Variants in ULK4 observed in about 807,000 individuals in gnomAD.
ULK4 encodes unc-51 like kinase 4.
In ULK4, 133 loss-of-function variants were observed where a neutral mutation model predicts 160.6. That is an observed-to-expected ratio of 0.83 (90% CI 0.72 to 0.96). ULK4 has a LOEUF of 0.96. ULK4 is among the 40% of genes least tolerant of loss of function. ULK4 has a pLI of 0.00. For synonymous variants in ULK4, 534 were observed against 539.8 expected (o/e 0.99, Z 0.15); for missense variants, 1,580 against 1,499.5 (o/e 1.05, Z -0.89).
At chr3:41,587,019 T>A (rs1422836637) in intron 31 of ULK4, among the ~76,000 whole-genome samples, 1 of 152,084 alleles carries the variant, frequency 6.6e-6, no homozygotes, top group African/African-American at 2.4e-5. Flanking sequence ...CTACGTAGGG[T>A]CTCACAATAC....
chr3:41,936,037 G>T, intron 3 of ULK4, 97 bp from the exon 4 acceptor site: 1 of 1,486,190 alleles, frequency 6.7e-7, no homozygotes, highest in Non-Finnish European at 9.1e-7. Context: ...ATTAAAAAAT[G>T]ATCAAGACAG....
At chr3:41,830,162 G>A (rs1295493575) in intron 18 of ULK4, among the ~76,000 whole-genome samples, 1 of 152,114 alleles carries the variant, frequency 6.6e-6, no homozygotes, top group African/African-American at 2.4e-5. Context: ...AGGGGGAGTG[G>A]GGAGGGATAG....
At chr3:41,914,015 C>T (rs1358821735) in intron 8 of ULK4, among the ~76,000 whole-genome samples, 1 of 152,160 alleles carries the variant, frequency 6.6e-6, no homozygotes, top group Non-Finnish European at 1.5e-5. Flanking sequence ...TAACCATATA[C>T]ATTCACACCT....
chr3:41,692,308 T>C (rs1016393389), intron 27 of ULK4, among the ~76,000 whole-genome samples: 15 of 152,202 alleles, frequency 9.9e-5, no homozygotes, highest in African/African-American at 3.4e-4. Flanking sequence ...TGACACAGTA[T>C]ATGACAGCAA....
intron 32 of ULK4, among the ~76,000 whole-genome samples, chr3:41,560,681 T>C (rs1413266931): frequency 1.6e-4 from 24 of 152,336 alleles, no homozygotes; most frequent in East Asian, 1.5e-3. Flanking sequence ...TATTGGTGTA[T>C]AGGAATGCTT....
intron 22 of ULK4, among the ~76,000 whole-genome samples, chr3:41,751,658 T>C (rs1421806303): frequency 6.6e-6 from 1 of 152,202 alleles, no homozygotes; most frequent in East Asian, 1.9e-4. Flanking sequence ...ACATGTGTCA[T>C]ACCCAATCTC....
chr3:41,375,795 T>C (rs2081476465), intron 35 of ULK4, among the ~76,000 whole-genome samples: 1 of 150,180 alleles, frequency 6.7e-6, no homozygotes, highest in Admixed American at 6.6e-5. Flanking sequence ...CTAATTAAAC[T>C]AAAGAGCTTC....
At chr3:41,951,054 G>A (rs1296761936) in intron 2 of ULK4, among the ~76,000 whole-genome samples, 1 of 141,530 alleles carries the variant, frequency 7.1e-6, no homozygotes, top group Non-Finnish European at 1.5e-5. Flanking sequence ...TGAGGCAGGA[G>A]AATGGCGTGA....
intron 35 of ULK4, among the ~76,000 whole-genome samples, chr3:41,310,357 A>T (rs1167374689): frequency 6.6e-6 from 1 of 152,230 alleles, no homozygotes; most frequent in East Asian, 1.9e-4. Context: ...GATAATTACC[A>T]AATAAAAGAA....
intron 30 of ULK4, among the ~76,000 whole-genome samples, chr3:41,624,536 A>C: frequency 6.6e-6 from 1 of 152,162 alleles, no homozygotes; most frequent in East Asian, 1.9e-4. Flanking sequence ...ATTACCTCTT[A>C]AGTCTCTTTG....
chr3:41,561,796 C>T (rs916110346), intron 32 of ULK4, among the ~76,000 whole-genome samples: 4 of 152,002 alleles, frequency 2.6e-5, no homozygotes, highest in Admixed American at 6.6e-5. Context: ...AGTCGTTGAT[C>T]TTTTGAAAAA....
chr3:41,313,935 T>A (rs2080100000), intron 35 of ULK4, among the ~76,000 whole-genome samples: 1 of 152,182 alleles, frequency 6.6e-6, no homozygotes, highest in South Asian at 2.1e-4. Context: ...TGAGATGGCC[T>A]TCCTTACAAC....
intron 27 of ULK4, among the ~76,000 whole-genome samples, chr3:41,688,734 T>A (rs752244552): frequency 6.6e-5 from 10 of 152,216 alleles, no homozygotes; most frequent in Admixed American, 1.3e-4. Context: ...CCAAGATTTC[T>A]GGGAATTTGC....
intron 30 of ULK4, 111 bp from the exon 31 acceptor site, chr3:41,615,828 T>C: frequency 1.1e-6 from 1 of 908,222 alleles, no homozygotes; most frequent in Non-Finnish European, 1.7e-6. Context: ...AATTCCATGA[T>C]AAGAAATAGT....
chr3:41,541,021 C>T (rs2371582), intron 32 of ULK4, among the ~76,000 whole-genome samples: 68,347 of 151,924 alleles, frequency 0.45, 16,061 homozygotes, highest in Middle Eastern at 0.54. Flanking sequence ...TGTGCAGAAG[C>T]TCTTTAGTTT....
intron 32 of ULK4, among the ~76,000 whole-genome samples, chr3:41,561,918 G>C (rs1424168325): frequency 6.6e-6 from 1 of 152,090 alleles, no homozygotes; most frequent in East Asian, 1.9e-4. Flanking sequence ...GAAGGTGTTT[G>C]CTCTTGCTTC....
Position 41,941,730 on chromosome 3 carries a change from T to C in ULK4, c.139-3533A>G, listed in dbSNP as rs546591761. On this transcript the variant is annotated intron_variant, in intron 2 of 36. Coordinates refer to ENST00000301831, the MANE Select transcript of ULK4 (RefSeq NM_017886.4). The stretch of plus-strand genomic sequence containing the variant: ...GTGATCACATCACTGCACTCCAGCC[T>C]GAGTGACAGAGTGAGACTCTGTCTC... Among the ~76,000 whole-genome samples, 3 of 110,838 alleles carry C rather than the reference T, an allele frequency of 2.7e-5. No homozygotes were observed. In the South Asian group the frequency reaches 9.7e-4, roughly 36 times the overall value. The allele number at this position is 110,838 out of a possible 152,430, so 72.7% of individuals were successfully genotyped here. A position where few individuals can be genotyped will look rare whatever the true frequency, so the allele number is the denominator to read the frequency against.
intron 16 of ULK4, among the ~76,000 whole-genome samples, chr3:41,893,325 A>T (rs1313725325): frequency 6.6e-6 from 1 of 152,234 alleles, no homozygotes; most frequent in Non-Finnish European, 1.5e-5. Flanking sequence ...CAAATTTTTT[A>T]AATTACAGTA....
intron 30 of ULK4, among the ~76,000 whole-genome samples, chr3:41,658,467 C>A (rs952793544): frequency 6.6e-6 from 1 of 152,122 alleles, no homozygotes; most frequent in Non-Finnish European, 1.5e-5. Context: ...TTATGGTGCA[C>A]ATATATTCAC....
Sources: gnomAD v4.1 joint callset for allele counts (sites outside exome capture counted in the v4.1 genomes callset) on GRCh38, gnomAD v4.1.1 for gene constraint, MANE v1.5 for transcripts, NCBI Gene and HGNC (gene_info 2026-07-23, HGNC 2026-07-21) for gene names.